The following XRN2 variants were observed in gnomAD, a reference collection of about 807,000 sequenced individuals.
XRN2 encodes the protein DHM1-like protein.
A neutral mutation model predicts 138.5 loss-of-function variants in XRN2; 44 were observed. The ratio of observed to expected loss-of-function variants is 0.32; its 90% CI spans 0.25 to 0.41. The LOEUF is 0.41. Among genes scored for constraint, XRN2 ranks in the 10% least tolerant of loss-of-function variants. The probability of loss-of-function intolerance (pLI) is 1.00; values close to 1 mark genes in which losing one functional copy is unlikely to be tolerated. For synonymous variants in XRN2, 354 were observed against 369.4 expected, an observed-to-expected ratio of 0.96 and a Z score of 0.48; for missense variants, 937 against 1,169.3, an observed-to-expected ratio of 0.80 and a Z score of 2.90.
intron 27 of XRN2, among the ~76,000 whole-genome samples, chr20:21,380,884 C>T (rs548242748): frequency 1.3e-5 from 2 of 152,282 alleles, no homozygotes; most frequent in Admixed American, 6.5e-5. Context: ...TTTCTTCAGT[C>T]TGGCCTTCTC....
intron 24 of XRN2, among the ~76,000 whole-genome samples, chr20:21,360,278 C>A (rs982979627): frequency 2.6e-5 from 4 of 152,148 alleles, no homozygotes; most frequent in African/African-American, 9.7e-5. Context: ...TTCCTTCCTG[C>A]CCAGGCTGAT....
chr20:21,322,835 G>C (rs1409761894), intron 1 of XRN2, among the ~76,000 whole-genome samples: 1 of 152,112 alleles, frequency 6.6e-6, no homozygotes, highest in African/African-American at 2.4e-5. Context: ...CTTTATCCAT[G>C]AAGTCACGAA....
intron 16 of XRN2, among the ~76,000 whole-genome samples, chr20:21,345,356 C>A (rs2038423100): frequency 6.6e-6 from 1 of 152,114 alleles, no homozygotes; most frequent in South Asian, 2.1e-4. Context: ...TTTTCATTAA[C>A]CTTTTCTGTA....
chr20:21,333,730 C>T lies in XRN2; in HGVS notation c.960C>T (p.Ala320=). ...ATTTGGAAAGAGAACTCACAATGGC[C>T]AGCCTACCATTCACATTTGATGTTG... ...REYLERELTM[A]SLPFTFDVER... Residue 320 remains alanine (A), a synonymous_variant, in exon 11 of 30, where the codon GCC becomes GCT. Transcript: ENST00000377191. 6.2e-7 allele frequency: 1 copy of T among 1,614,092 alleles called. No homozygotes were observed. Among genetic ancestry groups the T allele is most frequent in the Non-Finnish European group, 8.5e-7 (1 of 1,180,000 alleles).
intron 24 of XRN2, among the ~76,000 whole-genome samples, chr20:21,358,958 G>A (rs963841068): frequency 6.6e-6 from 1 of 152,134 alleles, no homozygotes; most frequent in Non-Finnish European, 1.5e-5. Context: ...GGCGCTTCAG[G>A]CCAATTAATT....
chr20:21,329,882 TG>T, intron 4 of XRN2, among the ~76,000 whole-genome samples: 1 of 151,914 alleles, frequency 6.6e-6, no homozygotes, highest in South Asian at 2.1e-4. Context: ...TGTGTGTGTG[TG>T]TGTGTGTGTG....
intron 4 of XRN2, among the ~76,000 whole-genome samples, chr20:21,329,549 G>T (rs1339511306): frequency 2.0e-5 from 3 of 152,150 alleles, no homozygotes; most frequent in Non-Finnish European, 1.5e-5. Flanking sequence ...CTTGAATTTT[G>T]CTGGAAGTGT....
intron 1 of XRN2, among the ~76,000 whole-genome samples, chr20:21,320,730 G>A (rs1230951083): frequency 1.3e-5 from 2 of 152,036 alleles, no homozygotes; most frequent in Non-Finnish European, 2.9e-5. Context: ...GAGTAGCTGG[G>A]GCTACAGGCA....
chr20:21,349,607 G>T, intron 20 of XRN2, 146 bp downstream of exon 20: 1 of 678,056 alleles, frequency 1.5e-6, no homozygotes, highest in Non-Finnish European at 2.4e-6. Context: ...GCCTGGCGTG[G>T]TGGCTTGCAC....
At chr20:21,372,497 T>G (rs2038774192) in intron 27 of XRN2, among the ~76,000 whole-genome samples, 1 of 152,216 alleles carries the variant, frequency 6.6e-6, no homozygotes, top group South Asian at 2.1e-4. Flanking sequence ...ATTTTTAAAA[T>G]GCATTTTTAA....
chr20:21,381,795 G>A (rs2038887829), intron 27 of XRN2, among the ~76,000 whole-genome samples, 199 bp from the exon 28 acceptor site: 1 of 151,822 alleles, frequency 6.6e-6, no homozygotes, highest in Admixed American at 6.6e-5. Flanking sequence ...TGTTATCAAA[G>A]GAAAAATAAT....
At chr20:21,366,062 A>G (rs1213194809) in intron 26 of XRN2, among the ~76,000 whole-genome samples, 1 of 117,382 alleles carries the variant, frequency 8.5e-6, no homozygotes, top group Non-Finnish European at 1.7e-5. Flanking sequence ...TATAATATAT[A>G]TAAATATATA....
At chr20:21,367,418 A>G (rs2038716436) in intron 26 of XRN2, among the ~76,000 whole-genome samples, 1 of 152,204 alleles carries the variant, frequency 6.6e-6, no homozygotes, top group African/African-American at 2.4e-5. Flanking sequence ...GCAGAAGGTC[A>G]CCATCAACAT....
chr20:21,353,306 G>A (rs2038536042), intron 20 of XRN2, among the ~76,000 whole-genome samples: 1 of 145,510 alleles, frequency 6.9e-6, no homozygotes, highest in Non-Finnish European at 1.5e-5. Context: ...AGATGATGCT[G>A]TAGTTTCCCC....
chr20:21,381,243 ACTT>A (rs2038879660), intron 27 of XRN2, among the ~76,000 whole-genome samples: 1 of 152,210 alleles, frequency 6.6e-6, no homozygotes, highest in South Asian at 2.1e-4. Context: ...TCATTAGACA[ACTT>A]CTGGAACCAG....
At chr20:21,330,844 G>A (rs2038198144) in intron 6 of XRN2, 139 bp downstream of exon 6, 1 of 830,350 alleles carries the variant, frequency 1.2e-6, no homozygotes, top group African/African-American at 1.7e-5. Flanking sequence ...AAGCTTCCAG[G>A]GTTTTTGGAG....
chr20:21,369,907 C>T (rs2038742920), intron 27 of XRN2, among the ~76,000 whole-genome samples: 1 of 152,108 alleles, frequency 6.6e-6, no homozygotes, highest in South Asian at 2.1e-4. Context: ...GCTTTGGTTG[C>T]CTGTGCTTGT....
At chr20:21,320,824 A>G (rs2038030470) in intron 1 of XRN2, among the ~76,000 whole-genome samples, 1 of 151,912 alleles carries the variant, frequency 6.6e-6, no homozygotes. Context: ...TCGAACTCCT[A>G]AATTGTAGAT....
chr20:21,322,079 C>G (rs1186392746), intron 1 of XRN2, among the ~76,000 whole-genome samples: 1 of 152,180 alleles, frequency 6.6e-6, no homozygotes, highest in East Asian at 1.9e-4. Context: ...CACTTAACCT[C>G]TCTAAGCATT....
Sources: gnomAD v4.1 joint callset for allele counts (sites outside exome capture counted in the v4.1 genomes callset) on GRCh38, gnomAD v4.1.1 for gene constraint, MANE v1.5 for transcripts, NCBI Gene and HGNC (gene_info 2026-07-23, HGNC 2026-07-21) for gene names.